Variants in CCDC141 observed in about 807,000 individuals in gnomAD.
CCDC141 encodes the protein coiled-coil domain-containing protein 141.
Under a neutral mutation model 181.0 loss-of-function variants are expected in CCDC141, and 168 were observed. The ratio of observed to expected loss-of-function variants is 0.93; its 90% CI spans 0.82 to 1.05. The LOEUF (loss-of-function observed/expected upper bound fraction) is 1.05, where lower values mean the gene tolerates loss of function less well. Ranked by LOEUF, CCDC141 falls within the 50% of genes least tolerant of loss-of-function variation. The pLI is 0.00. For synonymous variants in CCDC141, 666 were observed against 642.3 expected (o/e 1.04, Z -0.56); for missense variants, 1,902 against 1,788.5 (o/e 1.06, Z -1.14).
chr2:178,963,474 T>C (rs1490557230), intron 4 of CCDC141, among the ~76,000 whole-genome samples: 1 of 152,156 alleles, frequency 6.6e-6, no homozygotes, highest in Non-Finnish European at 1.5e-5. Flanking sequence ...CTAAGCATCT[T>C]ACCAAGCCAG....
chr2:178,951,631 T>C (rs1047779269), intron 5 of CCDC141, among the ~76,000 whole-genome samples: 3 of 152,050 alleles, frequency 2.0e-5, no homozygotes, highest in Non-Finnish European at 2.9e-5. Context: ...GAGGAGAAAA[T>C]GATTTCTACT....
At chr2:178,979,609 A>G (rs1392829606) in intron 2 of CCDC141, among the ~76,000 whole-genome samples, 1 of 152,198 alleles carries the variant, frequency 6.6e-6, no homozygotes, top group Non-Finnish European at 1.5e-5. Context: ...CCTAAAAAGA[A>G]ATACTTTTTG....
chr2:178,969,428 G>A (rs562300001), intron 4 of CCDC141, among the ~76,000 whole-genome samples: 3 of 152,044 alleles, frequency 2.0e-5, no homozygotes, highest in Admixed American at 6.5e-5. Flanking sequence ...TATCCACCAC[G>A]ATCAAGTCAG....
At position 179,047,293 on chromosome 2, in the gene CCDC141, G is replaced by A. The variant is rs775082518; in HGVS notation, c.216C>T (p.Ala72=). The A allele has an allele frequency of 2.9e-5, 45 of 1,530,820 alleles. No homozygotes were observed. In the African/African-American group the frequency reaches 5.7e-4, roughly 19 times the overall value. The allele number at this position is 1,530,820 out of a possible 1,614,324, so 94.8% of individuals were successfully genotyped here. ...CATCTTAGTATCTTACCTTGAGCTT[G>A]GCCAAAAGAAGTTCATGATCATGAA... The part of the protein sequence containing the change: ...KLLHDHELLL[A]KLKALEDRVW... Residue 72 remains alanine, a synonymous_variant, in exon 2 of 24, where the codon GCC becomes GCT. Coordinates refer to ENST00000443758, the MANE Select transcript of CCDC141 (RefSeq NM_173648.4).
intron 5 of CCDC141, among the ~76,000 whole-genome samples, chr2:178,948,982 G>A (rs918827510): frequency 1.3e-5 from 2 of 152,204 alleles, no homozygotes; most frequent in East Asian, 1.9e-4. Flanking sequence ...CATTGGCTGA[G>A]TAAAGGATGA....
chr2:178,877,676 T>C, intron 12 of CCDC141: 1 of 424,182 alleles, frequency 2.4e-6, no homozygotes, highest in South Asian at 4.4e-5. Flanking sequence ...CACAGAACTT[T>C]TGGGTGGACT....
intron 4 of CCDC141, among the ~76,000 whole-genome samples, chr2:178,963,646 C>T (rs1265921190): frequency 6.6e-6 from 1 of 151,110 alleles, no homozygotes; most frequent in Admixed American, 6.6e-5. Flanking sequence ...GGCCAGTTTT[C>T]TCTTTCAATT....
At chr2:178,825,083 A>G (rs763561101), downstream of CCDC141, among the ~76,000 whole-genome samples, 11 of 152,234 alleles carry the variant, frequency 7.2e-5, no homozygotes, top group Non-Finnish European at 1.3e-4. Context: ...CATTTAGACA[A>G]TACAAAACAA....
At chr2:178,970,870 C>G (rs1448611442) in intron 4 of CCDC141, among the ~76,000 whole-genome samples, 1 of 152,210 alleles carries the variant, frequency 6.6e-6, no homozygotes, top group Non-Finnish European at 1.5e-5. Flanking sequence ...ATCTATCCAT[C>G]TGACAAAGGG....
Position 178,845,737 on chromosome 2 carries a change from T to G in CCDC141, c.3363A>C (p.Gly1121=). The stretch of plus-strand genomic sequence containing the variant: ...AATTCGGATTCATCTTTAAAACATC[T>G]CCCTGCTGTACAAAGCAACAGTTAG... The part of the protein sequence containing the change: ...LTELEEKLKQ[G]DVLKMNPNLE... The change falls in exon 22 of 24, where the codon GGA becomes GGC. Residue 1121 remains glycine, a synonymous_variant. Coordinates refer to ENST00000443758, the MANE Select transcript of CCDC141 (RefSeq NM_173648.4). The G allele has an allele frequency of 6.3e-7, 1 of 1,588,242 alleles. No homozygotes were observed. Among genetic ancestry groups the G allele is most frequent in the Non-Finnish European group, 8.6e-7 (1 of 1,156,636 alleles).
chr2:178,860,273 A>G (rs577221094), intron 17 of CCDC141, among the ~76,000 whole-genome samples: 1 of 152,222 alleles, frequency 6.6e-6, no homozygotes, highest in African/African-American at 2.4e-5. Context: ...ATTTGCTACA[A>G]TTATCAATTA....
At chr2:178,979,991 A>C (rs1422153816) in intron 2 of CCDC141, among the ~76,000 whole-genome samples, 1 of 152,216 alleles carries the variant, frequency 6.6e-6, no homozygotes, top group Non-Finnish European at 1.5e-5. Context: ...AACATCTAGG[A>C]CTAAATTATT....
At chr2:178,856,145 C>T (rs1306325924) in intron 18 of CCDC141, 112 bp downstream of exon 18, 2 of 932,600 alleles carry the variant, frequency 2.1e-6, no homozygotes, top group Non-Finnish European at 3.1e-6. Context: ...AGTCCCAATG[C>T]TACAAAAAGC....
intron 17 of CCDC141, among the ~76,000 whole-genome samples, chr2:178,862,516 T>C (rs1450812929): frequency 1.3e-5 from 2 of 152,244 alleles, no homozygotes; most frequent in East Asian, 1.9e-4. Context: ...TCATGTAATA[T>C]GGCAGAGAAT....
At chr2:178,982,878 A>G (rs1691499890) in intron 2 of CCDC141, among the ~76,000 whole-genome samples, 2 of 152,194 alleles carry the variant, frequency 1.3e-5, no homozygotes, top group Non-Finnish European at 2.9e-5. Flanking sequence ...GGCGGCAGCC[A>G]GGCTGGGGGA....
intron 6 of CCDC141, among the ~76,000 whole-genome samples, chr2:178,923,326 G>A (rs986166007): frequency 5.9e-5 from 9 of 151,744 alleles, no homozygotes; most frequent in Admixed American, 2.0e-4. Flanking sequence ...GGATGGTCTC[G>A]ATCTCCTGAC....
At chr2:178,977,492 A>G (rs1267687178) in intron 3 of CCDC141, among the ~76,000 whole-genome samples, 1 of 152,168 alleles carries the variant, frequency 6.6e-6, no homozygotes, top group Non-Finnish European at 1.5e-5. Flanking sequence ...AACTTTTTCC[A>G]AGATGGTCTC....
Position 178,829,872 on chromosome 2 carries a change from T to C in CCDC141, c.*4301A>G, listed in dbSNP as rs1201835484. 6.6e-6 allele frequency: 1 copy of C among 152,230 alleles called. No individual in the cohort carries two copies. Among genetic ancestry groups the C allele is most frequent in the African/African-American group, 2.4e-5 (1 of 41,462 alleles). The allele number at this position is 152,230 out of a possible 1,614,324, so 9.4% of individuals were successfully genotyped here. On this transcript the variant is annotated 3_prime_UTR_variant, in exon 24 of 24. Coordinates refer to ENST00000443758, the MANE Select transcript of CCDC141 (RefSeq NM_173648.4). ...TCAGATGGTGATTTTTAGTAAGAAA[T>C]GGTCATGAATAAAGACAAACATAAA...
intron 8 of CCDC141, among the ~76,000 whole-genome samples, chr2:178,904,612 T>G (rs1257395392): frequency 6.6e-6 from 1 of 152,240 alleles, no homozygotes; most frequent in African/African-American, 2.4e-5. Flanking sequence ...GTGAAAAATG[T>G]AAGCCCTGCT....
Sources: allele counts gnomAD v4.1 joint callset (sites outside exome capture counted in the v4.1 genomes callset), GRCh38; gene constraint gnomAD v4.1.1; transcripts MANE v1.5; gene names NCBI Gene and HGNC (gene_info 2026-07-23, HGNC 2026-07-21).